ESRRG: variants seen among roughly 807,000 people sequenced by gnomAD.
ESRRG encodes the protein estrogen related receptor gamma, also known as estrogen-related receptor gamma.
ESRRG carries 13 observed loss-of-function variants against 44.0 expected under a neutral mutation model. That is an observed-to-expected ratio of 0.30 (90% CI 0.19 to 0.47). The LOEUF (loss-of-function observed/expected upper bound fraction) is 0.47, where lower values mean the gene tolerates loss of function less well. Ranked by LOEUF, ESRRG falls within the 20% of genes least tolerant of loss-of-function variation. ESRRG has a pLI of 1.00. For synonymous variants in ESRRG, 215 were observed against 214.6 expected (o/e 1.00, Z -0.02); for missense variants, 395 against 580.6 (o/e 0.68, Z 3.29).
intron 1 of ESRRG, among the ~76,000 whole-genome samples, chr1:216,678,224 CA>C (rs1234021939): frequency 6.6e-6 from 1 of 152,160 alleles, no homozygotes; most frequent in African/African-American, 2.4e-5. Context: ...CTAGAGCCTG[CA>C]AAACTTAGTG....
chr1:216,519,652 G>C (rs2045460041), intron 5 of ESRRG, among the ~76,000 whole-genome samples: 1 of 151,844 alleles, frequency 6.6e-6, no homozygotes, highest in African/African-American at 2.4e-5. Context: ...ACAGCTTAGG[G>C]GAATATAATA....
At chr1:216,845,062 C>T (rs1175909457) in intron 2 of ESRRG, among the ~76,000 whole-genome samples, 1 of 152,118 alleles carries the variant, frequency 6.6e-6, no homozygotes, top group African/African-American at 2.4e-5. Flanking sequence ...TCCCTTATTA[C>T]CTTGTTTTAT....
intron 1 of ESRRG, among the ~76,000 whole-genome samples, chr1:217,044,559 C>A (rs954523932): frequency 1.3e-5 from 2 of 152,194 alleles, no homozygotes; most frequent in African/African-American, 4.8e-5. Flanking sequence ...CCTATGCTGA[C>A]CTCCATCTCA....
At chr1:216,585,634 T>C (rs2063615564) in intron 3 of ESRRG, among the ~76,000 whole-genome samples, 1 of 152,164 alleles carries the variant, frequency 6.6e-6, no homozygotes, top group South Asian at 2.1e-4. Context: ...TGAATAAGTT[T>C]AAAAAATCAT....
chr1:216,568,165 G>T, intron 3 of ESRRG, 67 bp from the exon 4 acceptor site: 2 of 1,073,184 alleles, frequency 1.9e-6, no homozygotes, highest in South Asian at 2.5e-5. Flanking sequence ...CAAATACCTA[G>T]ATGGTATCCC....
At chr1:217,019,700 T>G (rs920618383) in intron 1 of ESRRG, among the ~76,000 whole-genome samples, 4 of 152,192 alleles carry the variant, frequency 2.6e-5, no homozygotes, top group Non-Finnish European at 4.4e-5. Flanking sequence ...ACTTATCATT[T>G]TTGTCTTTAT....
intron 2 of ESRRG, among the ~76,000 whole-genome samples, chr1:216,922,294 T>A (rs1265751395): frequency 1.3e-5 from 2 of 152,208 alleles, no homozygotes; most frequent in East Asian, 3.9e-4. Context: ...TTCTCTCACC[T>A]GATAATTTTT....
intron 1 of ESRRG, among the ~76,000 whole-genome samples, chr1:217,002,663 A>C (rs1259621601): frequency 6.6e-6 from 1 of 152,152 alleles, no homozygotes; most frequent in Non-Finnish European, 1.5e-5. Flanking sequence ...AGGTCATAAA[A>C]GGCATTATAG....
chr1:216,802,078 T>TA (rs1013172900), intron 2 of ESRRG, among the ~76,000 whole-genome samples: 6 of 152,248 alleles, frequency 3.9e-5, no homozygotes, highest in African/African-American at 1.4e-4. Context: ...GAATAATGGT[T>TA]AAAAAAAGAC....
At chr1:216,958,075 A>T (rs1402817602) in intron 1 of ESRRG, among the ~76,000 whole-genome samples, 1 of 152,154 alleles carries the variant, frequency 6.6e-6, no homozygotes, top group Non-Finnish European at 1.5e-5. Context: ...CCACAGCATA[A>T]CATTTATGAG....
At chr1:216,990,699 A>G (rs978730943) in intron 1 of ESRRG, among the ~76,000 whole-genome samples, 4 of 152,190 alleles carry the variant, frequency 2.6e-5, no homozygotes, top group African/African-American at 9.7e-5. Context: ...TGGTTTTCTT[A>G]ATAACATTTT....
chr1:217,029,106 T>A (rs2081644996), intron 1 of ESRRG, among the ~76,000 whole-genome samples: 1 of 152,170 alleles, frequency 6.6e-6, no homozygotes, highest in African/African-American at 2.4e-5. Flanking sequence ...CTTTGGCATC[T>A]TATAAGACTT....
intron 1 of ESRRG, among the ~76,000 whole-genome samples, chr1:216,717,216 A>T (rs1030727517): frequency 4.6e-5 from 7 of 151,888 alleles, no homozygotes; most frequent in Non-Finnish European, 8.9e-5. Context: ...AAAATCCTGG[A>T]TAATTGATTA....
At chr1:217,043,451 T>C (rs2084251145) in intron 1 of ESRRG, among the ~76,000 whole-genome samples, 1 of 152,256 alleles carries the variant, frequency 6.6e-6, no homozygotes, top group African/African-American at 2.4e-5. Context: ...AACTTATCTC[T>C]AATTAACCAA....
chr1:217,044,990 A>G (rs2084593983), intron 1 of ESRRG, among the ~76,000 whole-genome samples: 1 of 152,222 alleles, frequency 6.6e-6, no homozygotes, highest in South Asian at 2.1e-4. Context: ...ATAAAGAGAA[A>G]TGAGCCCATT....
intron 1 of ESRRG, among the ~76,000 whole-genome samples, chr1:216,965,302 T>C (rs2070062793): frequency 6.6e-6 from 1 of 152,106 alleles, no homozygotes; most frequent in African/African-American, 2.4e-5. Flanking sequence ...CCCTAAGATG[T>C]TCTATGGTCC....
At position 216,506,731 on chromosome 1, in the gene ESRRG, G is replaced by A; in HGVS notation, c.*208C>T. 1 of 648,856 alleles carries A rather than the reference G, an allele frequency of 1.5e-6. No homozygotes were observed. Among genetic ancestry groups the A allele is most frequent in the South Asian group, 1.7e-5 (1 of 57,178 alleles). 40.2% of individuals were successfully genotyped at this position (648,856 alleles called of 1,614,324 possible). On this transcript the variant is annotated 3_prime_UTR_variant, in exon 7 of 7. Transcript: ENST00000408911. Reference sequence around the variant, plus strand: ...GAAAGAGAAATGTGGGAAGAAAGAGGAAAGAAGATGATGGAGAAAGTAGAA... The same window carrying A: ...GAAAGAGAAATGTGGGAAGAAAGAGAAAAGAAGATGATGGAGAAAGTAGAA...
At chr1:217,066,255 C>CTTTTT (rs68151743) in intron 1 of ESRRG, among the ~76,000 whole-genome samples, 24 of 132,492 alleles carry the variant, frequency 1.8e-4, no homozygotes, top group South Asian at 2.4e-4. Context: ...TTTTTCTTTT[C>CTTTTT]TTTTTTTTTT....
chr1:217,013,601 T>A (rs149000720), intron 1 of ESRRG, among the ~76,000 whole-genome samples: 2 of 152,192 alleles, frequency 1.3e-5, no homozygotes, highest in Non-Finnish European at 2.9e-5. Flanking sequence ...TTAAGACCTA[T>A]CACTTACCCC....
Sources: allele counts gnomAD v4.1 joint callset (sites outside exome capture counted in the v4.1 genomes callset), GRCh38; gene constraint gnomAD v4.1.1; transcripts MANE v1.5; gene names NCBI Gene and HGNC (gene_info 2026-07-23, HGNC 2026-07-21).